FANCA: variants seen among roughly 807,000 people sequenced by gnomAD.
FANCA encodes the protein Fanconi anemia group A protein.
In FANCA, 236 loss-of-function variants were observed where a neutral mutation model predicts 194.3. The ratio of observed to expected loss-of-function variants is 1.21; its 90% confidence interval spans 1.09 to 1.35. FANCA has a LOEUF of 1.35. FANCA is among the 40% of genes most tolerant of loss of function. The probability of loss-of-function intolerance (pLI) is 0.00; values close to 1 mark genes in which losing one functional copy is unlikely to be tolerated. For missense variants in FANCA, 2,628 were observed against 1,813.9 expected, an observed-to-expected ratio of 1.45 and a Z score of -8.15; for synonymous variants, 1,014 against 715.8, an observed-to-expected ratio of 1.42 and a Z score of -6.65.
chr16:89,811,529 C>G (rs1299849646), intron 3 of FANCA, among the ~76,000 whole-genome samples: 1 of 152,122 alleles, frequency 6.6e-6, no homozygotes. Flanking sequence ...TGCCATGCAC[C>G]TGGTGGGCAG....
In FANCA at chr16:89,738,193, C is replaced by G. The variant is rs1357195517; in HGVS notation, c.*408G>C. 2 of 1,611,478 alleles carry G rather than the reference C, an allele frequency of 1.2e-6. No homozygotes were observed. Among genetic ancestry groups the G allele is most frequent in the South Asian group, 1.1e-5 (1 of 90,870 alleles). ...GGAGGCGGAACCACCACCTGGGCCA[C>G]CGAGCCCCTCTGTGACCACAGAGGG... On this transcript the variant is annotated 3_prime_UTR_variant, in exon 43 of 43. Coordinates refer to ENST00000389301, the MANE Select transcript of FANCA (RefSeq NM_000135.4).
intron 27 of FANCA, 128 bp downstream of exon 27, chr16:89,767,013 C>A: frequency 1.3e-6 from 1 of 790,610 alleles, no homozygotes; most frequent in South Asian, 1.4e-5. Context: ...CCCATGACAG[C>A]CAGCCTGACC....
At chr16:89,742,960 C>A in intron 36 of FANCA, 22 bp from the exon 37 acceptor site, 1 of 1,612,174 alleles carries the variant, frequency 6.2e-7, no homozygotes. Context: ...AGAACGGGGT[C>A]ATTGCAGGGC....
In FANCA at chr16:89,771,870, C is replaced by A. The variant is rs1374559165; in HGVS notation, c.2015-56G>T. 38 of 1,606,900 alleles carry A rather than the reference C, an allele frequency of 2.4e-5. No homozygotes were observed. The East Asian group carries it at 8.0e-4, about 34-fold the overall frequency. On this transcript the variant is annotated intron_variant, in intron 22 of 42. Coordinates refer to ENST00000389301, the MANE Select transcript of FANCA (RefSeq NM_000135.4). ...AAGAACCCCGAAAGGAGGGATACAGCTGCGGCCTAGAGAGCTCCGCCTCCC... is the reference window on the plus strand; with the variant it reads ...AAGAACCCCGAAAGGAGGGATACAGATGCGGCCTAGAGAGCTCCGCCTCCC...
At chr16:89,772,738 G>C (rs1567620618) in intron 22 of FANCA, among the ~76,000 whole-genome samples, 1 of 148,012 alleles carries the variant, frequency 6.8e-6, no homozygotes, top group Non-Finnish European at 1.5e-5. Flanking sequence ...AGAATTGCTT[G>C]AACCCAGGAG....
chr16:89,798,623 C>G (rs996048554), intron 10 of FANCA: 3 of 1,175,378 alleles, frequency 2.6e-6, no homozygotes, highest in Non-Finnish European at 3.2e-6. Flanking sequence ...ACCCAGCCCC[C>G]ACTCCTCAGC....
chr16:89,739,962 C>A, intron 39 of FANCA, 32 bp downstream of exon 39: 1 of 1,612,442 alleles, frequency 6.2e-7, no homozygotes, highest in Non-Finnish European at 8.5e-7. Flanking sequence ...GAGCGGCCCT[C>A]CGCATTTGTG....
intron 6 of FANCA, 150 bp downstream of exon 6, chr16:89,808,144 G>C (rs2040735032): frequency 6.6e-6 from 5 of 760,490 alleles, no homozygotes; most frequent in Non-Finnish European, 1.2e-5. Context: ...TCCAGGTCTA[G>C]TCTAGTATAA....
chr16:89,753,302 A>G (rs2038660566), intron 30 of FANCA, among the ~76,000 whole-genome samples: 1 of 152,040 alleles, frequency 6.6e-6, no homozygotes, highest in Non-Finnish European at 1.5e-5. Context: ...GCGCAGCCCG[A>G]CACTCGGGGC....
At chr16:89,760,125 A>G (rs755327602) in intron 29 of FANCA, among the ~76,000 whole-genome samples, 2 of 152,156 alleles carry the variant, frequency 1.3e-5, no homozygotes, top group African/African-American at 4.8e-5. Flanking sequence ...TCTCAACACA[A>G]CTTCCACGCA....
At chr16:89,807,010 G>C (rs530811650) in intron 6 of FANCA, among the ~76,000 whole-genome samples, 64 of 152,198 alleles carry the variant, frequency 4.2e-4, no homozygotes, top group Non-Finnish European at 7.4e-4. Context: ...CGGACGGGGC[G>C]GCTGTTCTAT....
intron 6 of FANCA, among the ~76,000 whole-genome samples, chr16:89,807,134 TAGATTTTGGTGCTG>T (rs1205295736): frequency 1.3e-5 from 2 of 152,090 alleles, no homozygotes; most frequent in Non-Finnish European, 2.9e-5. Context: ...TTTTGCTTCA[TAGATTTTGGTGCTG>T]AGATAAGATG....
chr16:89,794,471 G>C (rs1483506754), intron 11 of FANCA, among the ~76,000 whole-genome samples: 2 of 152,138 alleles, frequency 1.3e-5, no homozygotes, highest in Admixed American at 1.3e-4. Context: ...AGGCGGCAGA[G>C]GTTGCAGTGA....
chr16:89,814,525 A>T lies in FANCA; in HGVS notation c.278T>A (p.Phe93Tyr). 6.2e-7 allele frequency: 1 copy of T among 1,609,454 alleles called. No individual in the cohort carries two copies. The highest frequency in any genetic ancestry group is 8.5e-7 in the Non-Finnish European group (1 of 1,175,798). ...SEAYANHSSSFIGSALQDQAS... is the reference protein window; with the variant it reads ...SEAYANHSSSYIGSALQDQAS... ...AAAATGAAGCTATAACTTACCTATA[A>T]ATGAACTAGAATGATTAGCATAGGC... The change falls in exon 3 of 43, where the codon TTT (phenylalanine) becomes TAT (tyrosine). Residue 93 changes from phenylalanine (F) to tyrosine (Y), a missense_variant. Physicochemically the swap from Phe to Tyr is conservative, Grantham distance 22. Transcript: ENST00000389301.
Position 89,791,968 on chromosome 16 carries a change from G to A in FANCA, c.1184C>T (p.Ala395Val). ...HWQRVLSFVS[A>V]LVVCFPEAQQ... ...CGCTTCTGGAAAGCAGACAACCAGG[G>A]CAGACACAAAGGAGAGCACTCTCTG... Residue 395 changes from alanine to valine, a missense_variant, in exon 13 of 43, where the codon GCC (alanine) becomes GTC (valine). Ala to Val is a moderately conservative substitution (Grantham distance 64). Transcript: ENST00000389301. The A allele has an allele frequency of 1.2e-6, 2 of 1,614,112 alleles. No individual in the cohort carries two copies. The highest frequency in any genetic ancestry group is 1.7e-6 in the Non-Finnish European group (2 of 1,180,022).
chr16:89,744,910 C>T (rs373846135), intron 36 of FANCA, 49 bp downstream of exon 36: 13 of 1,541,940 alleles, frequency 8.4e-6, no homozygotes, highest in Admixed American at 3.4e-5. Flanking sequence ...TTGAGCAGGT[C>T]CCGAAGTGCA....
chr16:89,767,067 G>T, intron 27 of FANCA, 74 bp downstream of exon 27: 1 of 1,222,318 alleles, frequency 8.2e-7, no homozygotes, highest in Non-Finnish European at 1.2e-6. Flanking sequence ...AGCAGACCTC[G>T]GCCTTCCGGT....
chr16:89,810,531 G>C, intron 5 of FANCA, 176 bp downstream of exon 5: 1 of 624,620 alleles, frequency 1.6e-6, no homozygotes, highest in East Asian at 2.8e-5. Context: ...AATGGCAATT[G>C]AAGGTACTTC....
At chr16:89,763,803 C>CAG in intron 28 of FANCA, among the ~76,000 whole-genome samples, 1 of 151,382 alleles carries the variant, frequency 6.6e-6, no homozygotes. Flanking sequence ...CGTGGTGGTG[C>CAG]GCGCCTGTAG....
Sources: allele counts gnomAD v4.1 joint callset (sites outside exome capture counted in the v4.1 genomes callset), GRCh38; gene constraint gnomAD v4.1.1; transcripts MANE v1.5; gene names NCBI Gene and HGNC (gene_info 2026-07-23, HGNC 2026-07-21).